Variants in METTL15 observed in about 807,000 individuals in gnomAD.
METTL15 encodes the protein 12S rRNA N(4)-cytidine methyltransferase METTL15.
A neutral mutation model predicts 38.3 loss-of-function variants in METTL15; 34 were observed. The observed-to-expected ratio is 0.89, with a 90% CI of 0.68 to 1.18. The LOEUF is 1.18. Among genes scored for constraint, METTL15 ranks in the 50% most tolerant of loss-of-function variants. METTL15 has a pLI of 0.00. For synonymous variants in METTL15, 162 were observed against 170.9 expected (o/e 0.95, Z 0.41); for missense variants, 438 against 498.4 (o/e 0.88, Z 1.15).
intron 6 of METTL15, among the ~76,000 whole-genome samples, chr11:28,451,521 C>A (rs1851120422): frequency 2.0e-5 from 3 of 151,736 alleles, no homozygotes; most frequent in Admixed American, 2.0e-4. Context: ...GGAGGCGGAG[C>A]TTGCAGTGAG....
At chr11:28,500,335 C>T (rs1418818898) in intron 6 of METTL15, among the ~76,000 whole-genome samples, 1 of 152,168 alleles carries the variant, frequency 6.6e-6, no homozygotes, top group South Asian at 2.1e-4. Flanking sequence ...ACAAGAAATG[C>T]CCATTTACAT....
chr11:28,531,584 G>A (rs75037103), downstream of METTL15, among the ~76,000 whole-genome samples: 1 of 151,940 alleles, frequency 6.6e-6, no homozygotes, highest in East Asian at 1.9e-4. Flanking sequence ...TTCCTTTTCT[G>A]AAAATAATAA....
At chr11:28,458,122 G>C (rs1851185389) in intron 6 of METTL15, among the ~76,000 whole-genome samples, 1 of 152,120 alleles carries the variant, frequency 6.6e-6, no homozygotes, top group Non-Finnish European at 1.5e-5. Context: ...TCTCCAGTCT[G>C]ATATTCTCTG....
At chr11:28,423,678 A>G (rs1201303391) in intron 5 of METTL15, among the ~76,000 whole-genome samples, 1 of 151,986 alleles carries the variant, frequency 6.6e-6, no homozygotes, top group Admixed American at 6.6e-5. Flanking sequence ...GGAGATAGAG[A>G]GTAGAAGGAT....
chr11:28,297,540 A>AT (rs1334479830), intron 6 of METTL15, among the ~76,000 whole-genome samples: 2 of 152,090 alleles, frequency 1.3e-5, no homozygotes, highest in African/African-American at 4.8e-5. Flanking sequence ...CTTTTCTGCT[A>AT]TTTCGCTATT....
At chr11:28,215,197 A>AGGTAGGACCCCTGTG (rs1456745801) in intron 4 of METTL15, among the ~76,000 whole-genome samples, 1 of 152,174 alleles carries the variant, frequency 6.6e-6, no homozygotes. Context: ...CTGGGTGTGA[A>AGGTAGGACCCCTGTG]GGTAGGACCC....
At chr11:28,205,469 G>A (rs1852293414) in intron 3 of METTL15, among the ~76,000 whole-genome samples, 1 of 152,088 alleles carries the variant, frequency 6.6e-6, no homozygotes. Flanking sequence ...GTATTCCATG[G>A]TGTATATGTG....
intron 3 of METTL15, among the ~76,000 whole-genome samples, chr11:28,148,612 C>T (rs1269263674): frequency 2.0e-5 from 3 of 151,952 alleles, no homozygotes; most frequent in East Asian, 1.9e-4. Flanking sequence ...TAGCACTTTA[C>T]AAGAGAACTT....
chr11:28,298,249 C>T lies in METTL15; in HGVS notation c.778+1318C>T, dbSNP rs535736814. The stretch of plus-strand genomic sequence containing the variant: ...TCCGTACTCACTAACATGTCTCCAC[C>T]GTATCCTTTCTGTAATTATTTAGCT... On this transcript the variant is annotated intron_variant, in intron 6 of 6. Coordinates refer to ENST00000407364, the MANE Select transcript of METTL15 (RefSeq NM_001113528.2). Among the ~76,000 whole-genome samples, 9 of 152,172 alleles carry T rather than the reference C, an allele frequency of 5.9e-5. No individual in the cohort carries two copies. The South Asian group carries it at 6.2e-4, about 11-fold the overall frequency.
At chr11:28,195,184 G>A (rs907874862) in intron 3 of METTL15, among the ~76,000 whole-genome samples, 16 of 151,814 alleles carry the variant, frequency 1.1e-4, no homozygotes, top group African/African-American at 2.9e-4. Context: ...TCCTTTTTGC[G>A]GGTATTGTTT....
At chr11:28,292,618 C>G (rs1049725798) in intron 5 of METTL15, among the ~76,000 whole-genome samples, 4 of 152,038 alleles carry the variant, frequency 2.6e-5, no homozygotes, top group African/African-American at 9.7e-5. Flanking sequence ...GTTCTAGATG[C>G]CTGAGGAATC....
chr11:28,396,811 G>A (rs1283927724), intron 5 of METTL15, among the ~76,000 whole-genome samples: 3 of 152,238 alleles, frequency 2.0e-5, no homozygotes, highest in South Asian at 2.1e-4. Context: ...GAAGAAAGCT[G>A]GAGGCATCCT....
chr11:28,115,801 G>C (rs1299276182), intron 3 of METTL15, among the ~76,000 whole-genome samples: 2 of 151,846 alleles, frequency 1.3e-5, no homozygotes, highest in Non-Finnish European at 2.9e-5. Context: ...ACAAATAAGT[G>C]GACTTTCGCA....
intron 6 of METTL15, among the ~76,000 whole-genome samples, chr11:28,494,023 C>T (rs373017046): frequency 3.3e-4 from 51 of 152,346 alleles, no homozygotes; most frequent in Admixed American, 1.0e-3. Context: ...AGCCAGAAGA[C>T]CTGGTTTCTG....
intron 3 of METTL15, among the ~76,000 whole-genome samples, chr11:28,201,464 T>A (rs1291948546): frequency 6.6e-6 from 1 of 152,156 alleles, no homozygotes; most frequent in Non-Finnish European, 1.5e-5. Context: ...TGGTACCAGC[T>A]CCTATTTATA....
In METTL15 at chr11:28,219,784, G is replaced by T. The variant is rs541769736; in HGVS notation, c.407+8586G>T. ...TTTCTTTGTTCTCGTTGGTTTCAAA[G>T]AACATCTTTATTTCTGCCTTCATTT... On this transcript the variant is annotated intron_variant, in intron 4 of 6. Coordinates refer to ENST00000407364, the MANE Select transcript of METTL15 (RefSeq NM_001113528.2). 2.0e-4 allele frequency among the ~76,000 whole-genome samples: 30 copies of T among 152,196 alleles called. 1 individual carries two copies. In the South Asian group the frequency reaches 6.2e-3, roughly 32 times the overall value.
rs1852440330 is a variant in METTL15 at position 28,208,030 on chromosome 11, A to T, written c.271-3032A>T. On this transcript the variant is annotated intron_variant, in intron 3 of 6. Transcript: ENST00000407364. The stretch of plus-strand genomic sequence containing the variant: ...TCTTTATTAGTCTTGCTAGCAGTCT[A>T]TCAATTTTGTTGATCGTTTCAAAAA... Among the ~76,000 whole-genome samples the T allele has an allele frequency of 2.0e-5, 3 of 152,132 alleles. No homozygotes were observed. In the South Asian group the frequency reaches 6.2e-4, roughly 32 times the overall value.
chr11:28,362,771 G>A (rs183438890), intron 5 of METTL15, among the ~76,000 whole-genome samples: 2 of 152,206 alleles, frequency 1.3e-5, no homozygotes, highest in Admixed American at 1.3e-4. Context: ...ATCCACTGTT[G>A]ATGGACACTT....
intron 4 of METTL15, among the ~76,000 whole-genome samples, chr11:28,284,417 T>C (rs780160994): frequency 1.3e-5 from 2 of 152,224 alleles, no homozygotes; most frequent in Non-Finnish European, 2.9e-5. Context: ...GGATAATAAC[T>C]ATAATATCTA....
Sources: allele counts gnomAD v4.1 joint callset (sites outside exome capture counted in the v4.1 genomes callset), GRCh38; gene constraint gnomAD v4.1.1; transcripts MANE v1.5; gene names NCBI Gene and HGNC (gene_info 2026-07-23, HGNC 2026-07-21).